EYA2: variants seen among roughly 807,000 people sequenced by gnomAD.
EYA2 encodes EYA transcriptional coactivator and phosphatase 2, also known as protein phosphatase EYA2.
In EYA2, 31 loss-of-function variants were observed where a neutral mutation model predicts 69.2. That is an observed-to-expected ratio of 0.45 (90% CI 0.34 to 0.60). The LOEUF (loss-of-function observed/expected upper bound fraction) is 0.60, where lower values mean the gene tolerates loss of function less well. Among genes scored for constraint, EYA2 ranks in the 20% least tolerant of loss-of-function variants. The pLI is 0.02. For synonymous variants in EYA2, 257 were observed against 279.4 expected (o/e 0.92, Z 0.80); for missense variants, 622 against 701.2 (o/e 0.89, Z 1.28).
intron 1 of EYA2, among the ~76,000 whole-genome samples, chr20:46,987,746 G>T (rs1981324011): frequency 6.6e-6 from 1 of 151,750 alleles, no homozygotes; most frequent in East Asian, 1.9e-4. Flanking sequence ...GGCCAACATG[G>T]CAAAACCCCG....
chr20:47,016,307 G>A lies in EYA2; in HGVS notation c.415+10G>A. The A allele has an allele frequency of 6.2e-7, 1 of 1,603,180 alleles. No homozygotes were observed. Among genetic ancestry groups the A allele is most frequent in the Non-Finnish European group, 8.5e-7 (1 of 1,169,994 alleles). On this transcript the variant is annotated intron_variant, in intron 5 of 15. Coordinates refer to ENST00000327619, the MANE Select transcript of EYA2 (RefSeq NM_005244.5). The stretch of plus-strand genomic sequence containing the variant: ...ACCTACCAGATGCACGGTCAGTGTG[G>A]CGCTGTGGCCCCTTCCTGCCCATCT...
intron 1 of EYA2, among the ~76,000 whole-genome samples, chr20:46,974,445 A>G (rs569283115): frequency 6.6e-6 from 1 of 152,332 alleles, no homozygotes; most frequent in Admixed American, 6.5e-5. Context: ...GCAATGGGCT[A>G]TGGTTGGGAT....
In EYA2 at chr20:47,004,748, G is replaced by A. The variant is rs185979938; in HGVS notation, c.156-194G>A. 21 of 728,752 alleles carry A rather than the reference G, an allele frequency of 2.9e-5. No homozygotes were observed. The Admixed American group carries it at 3.2e-4, about 11-fold the overall frequency. The allele number at this position is 728,752 out of a possible 1,614,324, so 45.1% of individuals were successfully genotyped here. A position where few individuals can be genotyped will look rare whatever the true frequency, so the allele number is the denominator to read the frequency against. ...CCCAGTCACACGGCTGAATCTGACTGCACAGGAGACAGAAAATGTAATCTT... is the reference window on the plus strand; with the variant it reads ...CCCAGTCACACGGCTGAATCTGACTACACAGGAGACAGAAAATGTAATCTT... On this transcript the variant is annotated intron_variant, in intron 3 of 15. Transcript: ENST00000327619.
At chr20:47,179,965 CAGTGG>C in intron 13 of EYA2, 53 bp downstream of exon 13, 4 of 1,289,398 alleles carry the variant, frequency 3.1e-6, no homozygotes, top group Non-Finnish European at 4.5e-6. Context: ...TCGCAGTAGA[CAGTGG>C]TGGCTCCTGC....
chr20:46,929,948 GGAA>G (rs768278767), intron 1 of EYA2, among the ~76,000 whole-genome samples: 18 of 152,156 alleles, frequency 1.2e-4, no homozygotes, highest in Non-Finnish European at 2.2e-4. Context: ...GTAAAAGCCT[GGAA>G]ATATTGGGAT....
chr20:46,980,081 TTG>T (rs1168415516), intron 1 of EYA2, among the ~76,000 whole-genome samples: 2 of 152,104 alleles, frequency 1.3e-5, no homozygotes, highest in African/African-American at 4.8e-5. Flanking sequence ...TGAGTTGAAA[TTG>T]TGATCCAGAG....
intron 11 of EYA2, among the ~76,000 whole-genome samples, chr20:47,170,661 A>AAG (rs1555834396): frequency 2.6e-5 from 4 of 151,982 alleles, no homozygotes; most frequent in African/African-American, 7.2e-5. Context: ...AAAAAAAAAA[A>AAG]AGAGAGACAG....
At chr20:47,072,110 G>T in intron 5 of EYA2, 75 bp from the exon 6 acceptor site, 1 of 1,374,628 alleles carries the variant, frequency 7.3e-7, no homozygotes, top group South Asian at 1.2e-5. Flanking sequence ...GGAGGTTCAT[G>T]AAATGCTAAC....
intron 5 of EYA2, among the ~76,000 whole-genome samples, chr20:47,019,930 C>T (rs1483512532): frequency 6.7e-6 from 1 of 150,062 alleles, no homozygotes; most frequent in African/African-American, 2.5e-5. Flanking sequence ...GTGATCATGC[C>T]ACTGCACTCC....
intron 1 of EYA2, among the ~76,000 whole-genome samples, chr20:46,909,403 A>G (rs950253943): frequency 6.6e-6 from 1 of 152,130 alleles, no homozygotes; most frequent in Non-Finnish European, 1.5e-5. Flanking sequence ...AAGACCTGAG[A>G]TGCCTACATT....
chr20:46,950,978 G>A (rs145856779), intron 1 of EYA2, among the ~76,000 whole-genome samples: 49 of 152,310 alleles, frequency 3.2e-4, no homozygotes, highest in Non-Finnish European at 5.9e-4. Context: ...AACACGTGCC[G>A]CTGAGTAATC....
intron 9 of EYA2, among the ~76,000 whole-genome samples, chr20:47,104,570 C>T (rs2032521426): frequency 6.6e-6 from 1 of 152,170 alleles, no homozygotes; most frequent in Non-Finnish European, 1.5e-5. Flanking sequence ...TTAGCTCTTA[C>T]ATTTAGGTCT....
intron 1 of EYA2, among the ~76,000 whole-genome samples, chr20:46,973,019 A>T (rs1161754609): frequency 1.3e-5 from 2 of 152,208 alleles, no homozygotes; most frequent in African/African-American, 4.8e-5. Flanking sequence ...TCGGAGGTTA[A>T]TGGGGAACTT....
chr20:47,054,300 G>C (rs2030492642), intron 5 of EYA2, among the ~76,000 whole-genome samples: 1 of 152,108 alleles, frequency 6.6e-6, no homozygotes, highest in South Asian at 2.1e-4. Context: ...TCACATCTCT[G>C]TCTCCACTTT....
At chr20:47,149,540 A>G (rs900068552) in intron 10 of EYA2, among the ~76,000 whole-genome samples, 1 of 151,976 alleles carries the variant, frequency 6.6e-6, no homozygotes, top group Non-Finnish European at 1.5e-5. Context: ...TTCTTGGTAT[A>G]TATTAAAAGA....
intron 5 of EYA2, among the ~76,000 whole-genome samples, chr20:47,025,760 T>G (rs1984043418): frequency 6.6e-6 from 1 of 152,256 alleles, no homozygotes. Flanking sequence ...TCCATAGGGA[T>G]TCTACCCATT....
At chr20:47,136,357 C>T (rs2033471981) in intron 9 of EYA2, among the ~76,000 whole-genome samples, 1 of 152,100 alleles carries the variant, frequency 6.6e-6, no homozygotes, top group Non-Finnish European at 1.5e-5. Context: ...TTTGTATACT[C>T]TTATCCTCTC....
rs1013272328 is a variant in EYA2, at chr20:47,122,460, A to AT, written c.889-20589dup. Among the ~76,000 whole-genome samples, 496 of 148,146 alleles carry AT rather than the reference A, an allele frequency of 3.3e-3. 3 individuals are homozygous for AT. Among genetic ancestry groups the AT allele is most frequent in the South Asian group, 0.014 (66 of 4,668 alleles). ...AGGCACCCGCCACCGCACCCGGCTA[A>AT]TTTTTTTTTTGTATTTTTTAGTAGA... On this transcript the variant is annotated intron_variant, in intron 9 of 15. Transcript: ENST00000327619.
intron 10 of EYA2, among the ~76,000 whole-genome samples, chr20:47,160,000 T>C (rs1054885829): frequency 1.3e-5 from 2 of 150,582 alleles, no homozygotes; most frequent in African/African-American, 4.8e-5. Flanking sequence ...AGGGAGGTGA[T>C]GAACCTGAGG....
Sources: gnomAD v4.1 joint callset for allele counts (sites outside exome capture counted in the v4.1 genomes callset) on GRCh38, gnomAD v4.1.1 for gene constraint, MANE v1.5 for transcripts, NCBI Gene and HGNC (gene_info 2026-07-23, HGNC 2026-07-21) for gene names.